Variants in TBL1X observed in about 807,000 individuals in gnomAD.
TBL1X encodes F-box-like/WD repeat-containing protein TBL1X.
A neutral mutation model predicts 50.7 loss-of-function variants in TBL1X; 10 were observed. The observed-to-expected ratio is 0.20, with a 90% confidence interval of 0.12 to 0.33. The LOEUF (loss-of-function observed/expected upper bound fraction) is 0.33, where lower values mean the gene tolerates loss of function less well. TBL1X is among the 10% of genes least tolerant of loss of function. The pLI, the probability that TBL1X is intolerant of heterozygous loss-of-function variation, is 1.00. For missense variants in TBL1X, 340 were observed against 504.4 expected, an observed-to-expected ratio of 0.67 and a Z score of 3.12; for synonymous variants, 190 against 214.7, an observed-to-expected ratio of 0.88 and a Z score of 1.01.
chrX:9,665,008 G>A (rs900484195), intron 5 of TBL1X, among the ~76,000 whole-genome samples: 1 of 110,658 alleles, frequency 9.0e-6, no homozygotes, highest in Non-Finnish European at 1.9e-5. Context: ...TTTAGTTGTA[G>A]GATTTTTTTT....
At chrX:9,583,351 T>C (rs1450256187) in intron 2 of TBL1X, among the ~76,000 whole-genome samples, 1 of 112,424 alleles carries the variant, frequency 8.9e-6, no homozygotes, top group Non-Finnish European at 1.9e-5. Context: ...GTGACCCTTT[T>C]TTCCCAAATG....
chrX:9,709,250 C>T lies in TBL1X; in HGVS notation c.1239C>T (p.Asn413=), dbSNP rs201428489. Reference sequence around the variant, plus strand: ...CACACTCTTCTGCTCTCTTTCAGAACGAGGTCAACGCCATCAAATGGGATC... The same window carrying T: ...CACACTCTTCTGCTCTCTTTCAGAATGAGGTCAACGCCATCAAATGGGATC... ...RPVKTFQGHT[N]EVNAIKWDPS... The change falls in exon 14 of 18, where the codon AAC becomes AAT. Residue 413 remains asparagine (N), a splice_region_variant and synonymous_variant. Coordinates refer to ENST00000645353, the MANE Select transcript of TBL1X (RefSeq NM_005647.4). 5.8e-6 allele frequency: 7 copies of T among 1,209,011 alleles called. No individual in the cohort carries two copies. The highest frequency in any genetic ancestry group is 3.5e-5 in the African/African-American group (2 of 57,100).
At position 9,475,751 on chromosome X, in the gene TBL1X, AC is replaced by A. The variant is rs769732083; in HGVS notation, c.-201+10306del. On this transcript the variant is annotated intron_variant, in intron 1 of 17. Transcript: ENST00000645353. The stretch of plus-strand genomic sequence containing the variant: ...TTGGTTTTCATGAGATGAAATGCCA[AC>A]CTCAAGTGGTTCTGGGTTTCCAGAC... 3.7e-3 allele frequency among the ~76,000 whole-genome samples: 414 copies of A among 110,745 alleles called. 1 individual carries two copies. The highest frequency in any genetic ancestry group is 0.013 in the African/African-American group (388 of 30,437).
chrX:9,620,927 G>A (rs193150595), intron 2 of TBL1X, among the ~76,000 whole-genome samples: 203 of 112,086 alleles, frequency 1.8e-3, no homozygotes, highest in Admixed American at 2.5e-3. Context: ...AGCCAAGAAG[G>A]GGAGAGGACA....
intron 2 of TBL1X, among the ~76,000 whole-genome samples, chrX:9,623,363 A>G (rs143352418): frequency 0.011 from 1,221 of 111,727 alleles, 15 homozygotes; most frequent in African/African-American, 0.038. Context: ...TGTATGGCCC[A>G]TGGAGTGGGA....
rs1177804343 is a variant in TBL1X at position 9,693,394 on chromosome X, A to C, written c.1028A>C (p.Tyr343Ser). The C allele has an allele frequency of 8.3e-7, 1 of 1,209,475 alleles. No individual in the cohort carries two copies. Among genetic ancestry groups the C allele is most frequent in the East Asian group, 3.0e-5 (1 of 33,791 alleles). ...TTGAAATGGAACCGAAAGGGGAATT[A>C]CATTTTGAGTGCTGGTGTAGACAAA... ...FALKWNRKGN[Y>S]ILSAGVDKTT... The change falls in exon 11 of 18, where the codon TAC becomes TCC. Residue 343 changes from tyrosine (Y) to serine (S), a missense_variant. This residue lies in a region of TBL1X where 170 missense variants were observed against 272.6 expected (regional missense o/e 0.62). Coordinates refer to ENST00000645353, the MANE Select transcript of TBL1X (RefSeq NM_005647.4).
At chrX:9,573,332 T>C (rs887706739) in intron 2 of TBL1X, among the ~76,000 whole-genome samples, 3 of 112,620 alleles carry the variant, frequency 2.7e-5, no homozygotes, top group Non-Finnish European at 5.6e-5. Flanking sequence ...GACCAGTGTT[T>C]GGTTTATAAA....
At chrX:9,521,970 A>C (rs1249714416) in intron 2 of TBL1X, among the ~76,000 whole-genome samples, 1 of 110,275 alleles carries the variant, frequency 9.1e-6, no homozygotes, top group Non-Finnish European at 1.9e-5. Context: ...TTGAATTTTA[A>C]ATTTTATTCC....
chrX:9,715,601 G>T (rs1006678832), intron 17 of TBL1X, among the ~76,000 whole-genome samples: 1 of 112,207 alleles, frequency 8.9e-6, no homozygotes, highest in Non-Finnish European at 1.9e-5. Context: ...TGCGGTCTGT[G>T]CGGTGCGTTG....
chrX:9,519,666 A>G (rs1344692918), intron 2 of TBL1X, among the ~76,000 whole-genome samples: 1 of 111,619 alleles, frequency 9.0e-6, no homozygotes, highest in Non-Finnish European at 1.9e-5. Flanking sequence ...TCTTTTTTAC[A>G]GTGGCGCTGG....
At position 9,692,346 on chromosome X, in the gene TBL1X, A is replaced by G. The variant is rs569905842; in HGVS notation, c.891+92A>G. ...GCAGCAATGGAGCCCATGCAGACAT[A>G]GGAGGCAGGTGGTCCTGTGTGCTCA... On this transcript the variant is annotated intron_variant, in intron 9 of 17. Coordinates refer to ENST00000645353, the MANE Select transcript of TBL1X (RefSeq NM_005647.4). 9.3e-6 allele frequency: 10 copies of G among 1,075,105 alleles called. No homozygotes were observed. The African/African-American group carries it at 1.3e-4, about 14-fold the overall frequency. The allele number at this position is 1,075,105 out of a possible 1,213,427, so 88.6% of individuals were successfully genotyped here.
intron 6 of TBL1X, among the ~76,000 whole-genome samples, chrX:9,687,318 C>T (rs1329053372): frequency 8.9e-6 from 1 of 112,486 alleles, no homozygotes; most frequent in Non-Finnish European, 1.9e-5. Flanking sequence ...TTTCAAGTAG[C>T]AGCAAGTGCC....
intron 2 of TBL1X, among the ~76,000 whole-genome samples, chrX:9,509,845 G>A (rs1156467620): frequency 1.8e-5 from 2 of 110,801 alleles, no homozygotes; most frequent in African/African-American, 6.6e-5. Flanking sequence ...CATTTTCTGA[G>A]TTATCAGAGA....
chrX:9,677,611 A>G (rs921892403), intron 5 of TBL1X, among the ~76,000 whole-genome samples: 18 of 110,913 alleles, frequency 1.6e-4, no homozygotes, highest in Non-Finnish European at 2.8e-4. Flanking sequence ...GTACACTCCT[A>G]GTTCCTCCCT....
chrX:9,587,473 A>G (rs1276667679), intron 2 of TBL1X, among the ~76,000 whole-genome samples: 1 of 111,813 alleles, frequency 8.9e-6, no homozygotes, highest in African/African-American at 3.3e-5. Context: ...TTGTTTTTAT[A>G]TAATGATAAG....
At chrX:9,586,523 A>G (rs750522991) in intron 2 of TBL1X, among the ~76,000 whole-genome samples, 7 of 111,488 alleles carry the variant, frequency 6.3e-5, no homozygotes, top group Non-Finnish European at 1.3e-4. Context: ...ATGGGCATAG[A>G]GTTGGAGTTT....
intron 12 of TBL1X, among the ~76,000 whole-genome samples, chrX:9,699,860 A>T (rs1001734135): frequency 1.8e-5 from 2 of 111,352 alleles, no homozygotes; most frequent in South Asian, 7.7e-4. Context: ...CACACCAAAC[A>T]CACCTCTCAG....
At chrX:9,468,020 A>G (rs2081788500) in intron 1 of TBL1X, among the ~76,000 whole-genome samples, 1 of 112,557 alleles carries the variant, frequency 8.9e-6, no homozygotes, top group Admixed American at 9.4e-5. Flanking sequence ...TCCAGTATTT[A>G]GGGAGAATCC....
chrX:9,505,083 G>T (rs2082019576), intron 2 of TBL1X, among the ~76,000 whole-genome samples: 1 of 111,920 alleles, frequency 8.9e-6, no homozygotes, highest in Non-Finnish European at 1.9e-5. Context: ...ACCTACAAAG[G>T]GAAGCCCATC....
Sources: allele counts gnomAD v4.1 joint callset (sites outside exome capture counted in the v4.1 genomes callset), GRCh38; gene constraint gnomAD v4.1.1; regional missense constraint gnomAD v4.1.1; transcripts MANE v1.5; gene names NCBI Gene and HGNC (gene_info 2026-07-23, HGNC 2026-07-21).